FBXO25: variants seen among roughly 807,000 people sequenced by gnomAD.
The protein encoded by FBXO25 is F-box only protein 25.
FBXO25 carries 45 observed loss-of-function variants against 51.9 expected under a neutral mutation model. That is an observed-to-expected ratio of 0.87 (90% confidence interval 0.68 to 1.11). The LOEUF is 1.11. Ranked by LOEUF, FBXO25 falls within the 50% of genes most tolerant of loss-of-function variation. FBXO25 has a pLI of 0.00. For synonymous variants in FBXO25, 199 were observed against 151.0 expected (o/e 1.32, Z -2.33); for missense variants, 507 against 428.5 (o/e 1.18, Z -1.62).
chr8:410,441 A>G (rs1300737589), intron 1 of FBXO25, among the ~76,000 whole-genome samples: 2 of 151,288 alleles, frequency 1.3e-5, no homozygotes, highest in Admixed American at 6.6e-5. Context: ...TTTTTTTTTT[A>G]ATATAGATTT....
rs1230205895 is a variant in FBXO25, at chr8:418,520, A to C, written c.134+5307A>C. 5.3e-5 allele frequency among the ~76,000 whole-genome samples: 8 copies of C among 151,584 alleles called. No individual in the cohort carries two copies. The East Asian group carries it at 1.6e-3, about 29-fold the overall frequency. On this transcript the variant is annotated intron_variant, in intron 2 of 9. Coordinates refer to ENST00000350302, the MANE Select transcript of FBXO25 (RefSeq NM_183420.2). The stretch of plus-strand genomic sequence containing the variant: ...ACACCTGGCTAATTTTTGTATTTTT[A>C]GTAGAAACAGGGTTTCACCATATTG...
At chr8:426,477 A>G (rs371895615) in intron 2 of FBXO25, among the ~76,000 whole-genome samples, 3,127 of 118,994 alleles carry the variant, frequency 0.026, 32 homozygotes, top group Middle Eastern at 0.054. Flanking sequence ...TATAGAACTG[A>G]AAGCCATGTT....
chr8:468,130 T>G, intron 9 of FBXO25: 1 of 1,044,626 alleles, frequency 9.6e-7, no homozygotes, highest in Admixed American at 5.2e-5. Context: ...TCCACAAAAT[T>G]AATTTTTCTG....
chr8:464,364 A>T (rs1028328587), intron 9 of FBXO25, among the ~76,000 whole-genome samples: 1 of 151,812 alleles, frequency 6.6e-6, no homozygotes, highest in Admixed American at 6.6e-5. Flanking sequence ...ACCGTGGGGG[A>T]AAAAAAATGT....
In FBXO25 at chr8:475,444, G is replaced by C. The variant is rs542546388; in HGVS notation, c.*6640G>C. 5.8e-4 allele frequency: 89 copies of C among 152,180 alleles called. 2 individuals are homozygous for C. Among genetic ancestry groups the C allele is most frequent in the Non-Finnish European group, 1.1e-3 (78 of 68,840 alleles). 9.4% of individuals were successfully genotyped at this position (152,180 alleles called of 1,614,324 possible). On this transcript the variant is annotated 3_prime_UTR_variant, in exon 10 of 10. Coordinates refer to ENST00000350302, the MANE Select transcript of FBXO25 (RefSeq NM_183420.2). ...TGAGGTCTCTTGAGATTCCATATGAGTTTCAGGATGGAAAAAAAAAAGCCA... is the reference window on the plus strand; with the variant it reads ...TGAGGTCTCTTGAGATTCCATATGACTTTCAGGATGGAAAAAAAAAAGCCA...
In FBXO25 at chr8:473,487, C is replaced by A. The variant is rs576763353; in HGVS notation, c.*4683C>A. The A allele has an allele frequency of 1.3e-5, 2 of 152,368 alleles. No individual in the cohort carries two copies. The highest frequency in any genetic ancestry group is 2.4e-5 in the African/African-American group (1 of 41,580). 9.4% of individuals were successfully genotyped at this position (152,368 alleles called of 1,614,324 possible). ...CTGCCCCAATACAGGCCACGTGGAT[C>A]TGCCATTGCTTTTCACGTGAATGCC... On this transcript the variant is annotated 3_prime_UTR_variant, in exon 10 of 10. Coordinates refer to ENST00000350302, the MANE Select transcript of FBXO25 (RefSeq NM_183420.2).
Position 468,710 on chromosome 8 carries a change from C to T in FBXO25, c.988-5C>T. On this transcript the variant is annotated splice_polypyrimidine_tract_variant and splice_region_variant and intron_variant, in intron 9 of 9. Coordinates refer to ENST00000350302, the MANE Select transcript of FBXO25 (RefSeq NM_183420.2). ...CCCTCCTAACCATCTCCCACCTCCC[C>T]ACAGGACTCAGGACACCCCTGCACG... 5 of 1,613,418 alleles carry T rather than the reference C, an allele frequency of 3.1e-6. No individual in the cohort carries two copies. Among genetic ancestry groups the T allele is most frequent in the Non-Finnish European group, 4.2e-6 (5 of 1,179,672 alleles).
intron 1 of FBXO25, among the ~76,000 whole-genome samples, chr8:408,270 T>C (rs147494244): frequency 0.059 from 8,966 of 152,244 alleles, 281 homozygotes; most frequent in Middle Eastern, 0.075. Flanking sequence ...TTTTAGTGCC[T>C]TTGTATTTAG....
intron 5 of FBXO25, among the ~76,000 whole-genome samples, chr8:446,174 G>T (rs1798725468): frequency 6.6e-6 from 1 of 152,070 alleles, no homozygotes; most frequent in South Asian, 2.1e-4. Flanking sequence ...ATATCTTAGT[G>T]AAACTGTGGA....
At chr8:468,042 C>G (rs1000881585) in intron 9 of FBXO25, 56 of 1,272,296 alleles carry the variant, frequency 4.4e-5, no homozygotes, top group African/African-American at 9.1e-5. Flanking sequence ...CAGGGCATGC[C>G]ATGGAGAGAT....
Position 453,844 on chromosome 8 carries a change from C to T in FBXO25, c.660+2391C>T, listed in dbSNP as rs576536520. Reference sequence around the variant, plus strand: ...CAAGAAATACCTTGACACCCCTGGCCGGGCGCGGTGGCCCACACCTGTAAT... The same window carrying T: ...CAAGAAATACCTTGACACCCCTGGCTGGGCGCGGTGGCCCACACCTGTAAT... On this transcript the variant is annotated intron_variant, in intron 7 of 9. Transcript: ENST00000350302. 8.5e-5 allele frequency among the ~76,000 whole-genome samples: 13 copies of T among 152,166 alleles called. No homozygotes were observed. The South Asian group carries it at 2.1e-3, about 24-fold the overall frequency.
intron 2 of FBXO25, among the ~76,000 whole-genome samples, chr8:426,190 G>C (rs998160069): frequency 1.3e-5 from 2 of 152,080 alleles, no homozygotes; most frequent in Admixed American, 1.3e-4. Context: ...AGTCATTTTG[G>C]TTTCCGGAGC....
At position 458,465 on chromosome 8, in the gene FBXO25, G is replaced by T; in HGVS notation, c.757G>T (p.Gly253Cys). The T allele has an allele frequency of 6.2e-7, 1 of 1,614,098 alleles. No homozygotes were observed. The highest frequency in any genetic ancestry group is 8.5e-7 in the Non-Finnish European group (1 of 1,180,000). The stretch of plus-strand genomic sequence containing the variant: ...AGACGGATGGGACATCATCACCTTA[G>T]GCCAGGTGACCCCCACGTTGTATAT... ...FSDGWDIITL[G>C]QVTPTLYMLS... The change falls in exon 8 of 10, where the codon GGC (glycine) becomes TGC (cysteine). Residue 253 changes from glycine (G) to cysteine (C), a missense_variant. By Grantham distance (159) the Gly-to-Cys change is radical. Coordinates refer to ENST00000350302, the MANE Select transcript of FBXO25 (RefSeq NM_183420.2).
Position 475,109 on chromosome 8 carries a change from C to T in FBXO25, c.*6305C>T. 1 of 364,476 alleles carries T rather than the reference C, an allele frequency of 2.7e-6. No homozygotes were observed. Among genetic ancestry groups the T allele is most frequent in the Non-Finnish European group, 5.3e-6 (1 of 188,820 alleles). The allele number at this position is 364,476 out of a possible 1,614,324, so 22.6% of individuals were successfully genotyped here. A position where few individuals can be genotyped will look rare whatever the true frequency, so the allele number is the denominator to read the frequency against. ...TTTTAGTTTTAGCTCTTAGTTTAGG[C>T]CTTTGATCTATTTTAATTTTTATAT... On this transcript the variant is annotated 3_prime_UTR_variant, in exon 10 of 10. Transcript: ENST00000350302.
At chr8:413,320 C>G in intron 2 of FBXO25, 107 bp downstream of exon 2, 4 of 1,360,446 alleles carry the variant, frequency 2.9e-6, no homozygotes, top group East Asian at 2.7e-5. Context: ...ACTTGCCCAC[C>G]CAGAAGGCTG....
Position 458,466 on chromosome 8 carries a change from G to T in FBXO25, c.758G>T (p.Gly253Val). 6.2e-7 allele frequency: 1 copy of T among 1,614,076 alleles called. No individual in the cohort carries two copies. The highest frequency in any genetic ancestry group is 8.5e-7 in the Non-Finnish European group (1 of 1,179,990). Residue 253 changes from glycine (G) to valine (V), a missense_variant, in exon 8 of 10, where the codon GGC (glycine) becomes GTC (valine). Physicochemically the swap from Gly to Val is moderately radical, Grantham distance 109. Transcript: ENST00000350302. The stretch of plus-strand genomic sequence containing the variant: ...GACGGATGGGACATCATCACCTTAG[G>T]CCAGGTGACCCCCACGTTGTATATG... The part of the protein sequence containing the change: ...FSDGWDIITL[G>V]QVTPTLYMLS...
intron 8 of FBXO25, among the ~76,000 whole-genome samples, chr8:461,932 G>A (rs982713552): frequency 6.6e-6 from 1 of 152,176 alleles, no homozygotes; most frequent in African/African-American, 2.4e-5. Context: ...ATAAAAGTTT[G>A]TGGCTTTTAC....
At chr8:417,033 C>A (rs952174936) in intron 2 of FBXO25, among the ~76,000 whole-genome samples, 1 of 152,154 alleles carries the variant, frequency 6.6e-6, no homozygotes, top group African/African-American at 2.4e-5. Flanking sequence ...GGCAGGGCCT[C>A]CCCGGCAGGG....
intron 1 of FBXO25, among the ~76,000 whole-genome samples, 155 bp downstream of exon 1, chr8:407,221 T>G (rs1346196174): frequency 9.2e-5 from 7 of 76,382 alleles, no homozygotes; most frequent in African/African-American, 2.6e-4. Flanking sequence ...GGGGAAGACA[T>G]GGGGTCGCGA....
Sources: gnomAD v4.1 joint callset for allele counts (sites outside exome capture counted in the v4.1 genomes callset) on GRCh38, gnomAD v4.1.1 for gene constraint, MANE v1.5 for transcripts, NCBI Gene and HGNC (gene_info 2026-07-23, HGNC 2026-07-21) for gene names.